The following SLC35F4 variants were observed in gnomAD, a reference collection of about 807,000 sequenced individuals.
SLC35F4 encodes solute carrier family 35 member F4.
In SLC35F4, 24 loss-of-function variants were observed where a neutral mutation model predicts 44.2. That is an observed-to-expected ratio of 0.54 (90% CI 0.39 to 0.76). The LOEUF is 0.76. Ranked by LOEUF, SLC35F4 falls within the 30% of genes least tolerant of loss-of-function variation. SLC35F4 has a pLI of 0.00. For synonymous variants in SLC35F4, 238 were observed against 223.6 expected, an observed-to-expected ratio of 1.06 and a Z score of -0.57; for missense variants, 562 against 586.1, an observed-to-expected ratio of 0.96 and a Z score of 0.42.
chr14:57,782,241 A>G (rs2140750514), intron 1 of SLC35F4, among the ~76,000 whole-genome samples: 1 of 152,294 alleles, frequency 6.6e-6, no homozygotes, highest in Middle Eastern at 3.4e-3. Flanking sequence ...GTGCAAGTAC[A>G]GTTGGCCCTT....
chr14:57,887,576 C>T (rs994664854), intron 1 of SLC35F4, among the ~76,000 whole-genome samples: 1 of 152,168 alleles, frequency 6.6e-6, no homozygotes, highest in Non-Finnish European at 1.5e-5. Context: ...AGAGGTGTCA[C>T]TTTGAAGGAT....
chr14:57,846,286 C>A (rs752653764), intron 1 of SLC35F4, among the ~76,000 whole-genome samples: 1 of 152,186 alleles, frequency 6.6e-6, no homozygotes, highest in Non-Finnish European at 1.5e-5. Flanking sequence ...CCTGCCAATT[C>A]CAAACCTCTT....
upstream of SLC35F4, among the ~76,000 whole-genome samples, chr14:57,869,445 G>T (rs1044995363): frequency 1.3e-5 from 2 of 152,120 alleles, no homozygotes; most frequent in Non-Finnish European, 2.9e-5. Flanking sequence ...TTAGCAGAAA[G>T]GGATCAGAAA....
intron 1 of SLC35F4, among the ~76,000 whole-genome samples, chr14:57,741,790 A>T (rs2076615717): frequency 6.6e-6 from 1 of 152,218 alleles, no homozygotes; most frequent in Non-Finnish European, 1.5e-5. Context: ...ACCAAAGTTG[A>T]AACGAAGAAA....
chr14:57,882,911 G>A (rs1042349044), intron 1 of SLC35F4, among the ~76,000 whole-genome samples: 4 of 152,112 alleles, frequency 2.6e-5, no homozygotes, highest in African/African-American at 9.7e-5. Context: ...TTGGCCCTGT[G>A]ACTTGATTTT....
At chr14:57,778,424 G>C (rs1015750629) in intron 1 of SLC35F4, among the ~76,000 whole-genome samples, 1 of 151,962 alleles carries the variant, frequency 6.6e-6, no homozygotes, top group African/African-American at 2.4e-5. Flanking sequence ...TCAACAAGAA[G>C]AGCTAACTAT....
At chr14:57,591,546 T>C (rs238374) in intron 2 of SLC35F4, among the ~76,000 whole-genome samples, 57,683 of 152,108 alleles carry the variant, frequency 0.38, 11,442 homozygotes, top group Admixed American at 0.46. Flanking sequence ...GTAGGTATTA[T>C]CATTCCCACT....
intron 1 of SLC35F4, among the ~76,000 whole-genome samples, chr14:57,758,629 CT>C (rs2077051848): frequency 6.6e-6 from 1 of 151,922 alleles, no homozygotes. Context: ...ATTCTAATGT[CT>C]GTGTCAGTTT....
chr14:57,569,482 A>T (rs1594882739), intron 6 of SLC35F4, among the ~76,000 whole-genome samples: 1 of 152,194 alleles, frequency 6.6e-6, no homozygotes, highest in Admixed American at 6.5e-5. Context: ...ACATTATAAC[A>T]TGATACAGTG....
chr14:57,717,397 G>C (rs556236777), intron 1 of SLC35F4, among the ~76,000 whole-genome samples: 1 of 152,256 alleles, frequency 6.6e-6, no homozygotes, highest in East Asian at 1.9e-4. Flanking sequence ...AGCACTTTGG[G>C]AGGCCGAGAC....
chr14:57,870,276 C>T (rs1888269472), upstream of SLC35F4, among the ~76,000 whole-genome samples: 1 of 151,892 alleles, frequency 6.6e-6, no homozygotes, highest in Non-Finnish European at 1.5e-5. Flanking sequence ...CTTTCTCTTT[C>T]TCCTTCTCCC....
intron 1 of SLC35F4, among the ~76,000 whole-genome samples, chr14:57,667,300 A>C (rs1160154269): frequency 1.3e-5 from 2 of 151,810 alleles, no homozygotes; most frequent in Non-Finnish European, 2.9e-5. Flanking sequence ...CAAAATTGAG[A>C]GCACCTTACA....
At chr14:57,699,469 A>G (rs1234939431) in intron 1 of SLC35F4, among the ~76,000 whole-genome samples, 1 of 152,218 alleles carries the variant, frequency 6.6e-6, no homozygotes, top group African/African-American at 2.4e-5. Flanking sequence ...CCTTACGTGC[A>G]AGAATTTCTT....
intron 1 of SLC35F4, among the ~76,000 whole-genome samples, chr14:57,845,738 T>C (rs1885961840): frequency 6.6e-6 from 1 of 152,214 alleles, no homozygotes; most frequent in Admixed American, 6.5e-5. Context: ...CAAGTGTAAA[T>C]ATTTTTTAAA....
At chr14:57,730,801 TCTGTC>T (rs2076325310) in intron 1 of SLC35F4, among the ~76,000 whole-genome samples, 1 of 66,504 alleles carries the variant, frequency 1.5e-5, no homozygotes, top group Non-Finnish European at 3.8e-5. Flanking sequence ...GTCAAGGAAG[TCTGTC>T]AAGGAAGCAC....
At chr14:57,842,899 A>G (rs1885627527) in intron 1 of SLC35F4, among the ~76,000 whole-genome samples, 1 of 152,194 alleles carries the variant, frequency 6.6e-6, no homozygotes. Flanking sequence ...AGCTGTCAGC[A>G]TGGCTAGAAT....
At chr14:57,845,480 G>A (rs935596711) in intron 1 of SLC35F4, among the ~76,000 whole-genome samples, 1 of 152,196 alleles carries the variant, frequency 6.6e-6, no homozygotes, top group East Asian at 1.9e-4. Flanking sequence ...AAATCTTTGT[G>A]TGCTATGGTT....
intron 1 of SLC35F4, among the ~76,000 whole-genome samples, chr14:57,854,368 G>A (rs910631785): frequency 5.3e-5 from 8 of 151,798 alleles, no homozygotes; most frequent in South Asian, 2.1e-4. Flanking sequence ...ATGTAAATAC[G>A]TTTGTAACAT....
At chr14:57,760,015 G>C (rs73289966) in intron 1 of SLC35F4, among the ~76,000 whole-genome samples, 244 of 150,520 alleles carry the variant, frequency 1.6e-3, no homozygotes, top group African/African-American at 5.7e-3. Context: ...TTCTTTTTCT[G>C]TGTCACTTTT....
Sources: allele counts gnomAD v4.1 joint callset (sites outside exome capture counted in the v4.1 genomes callset), GRCh38; gene constraint gnomAD v4.1.1; transcripts MANE v1.5; gene names NCBI Gene and HGNC (gene_info 2026-07-23, HGNC 2026-07-21).